The following NAPB variants were observed in gnomAD, a reference collection of about 807,000 sequenced individuals.
The protein encoded by NAPB is NSF attachment protein beta.
NAPB carries 26 observed loss-of-function variants against 44.7 expected under a neutral mutation model. The observed-to-expected ratio is 0.58, with a 90% CI of 0.43 to 0.81. The LOEUF (loss-of-function observed/expected upper bound fraction) is 0.81. NAPB is among the 30% of genes least tolerant of loss of function. NAPB has a pLI of 0.00. For synonymous variants in NAPB, 120 were observed against 116.8 expected (o/e 1.03, Z -0.18); for missense variants, 315 against 356.4 (o/e 0.88, Z 0.94).
chr20:23,377,578 C>A (rs1021817347), intron 10 of NAPB, 92 bp from the exon 11 acceptor site: 4 of 553,618 alleles, frequency 7.2e-6, no homozygotes, highest in African/African-American at 5.8e-5. Context: ...ACCTTTACAG[C>A]CATAATCTAC....
chr20:23,414,223 G>A (rs2424551), intron 1 of NAPB, among the ~76,000 whole-genome samples: 45,188 of 152,048 alleles, frequency 0.3, 6,755 homozygotes, highest in Middle Eastern at 0.38. Context: ...TGAGGAGGCT[G>A]AGGTGGGAGG....
At chr20:23,381,454 A>G in intron 7 of NAPB, 137 bp from the exon 8 acceptor site, 1 of 551,012 alleles carries the variant, frequency 1.8e-6, no homozygotes, top group South Asian at 2.6e-5. Flanking sequence ...TTTTATCCGA[A>G]TACCATATAG....
Position 23,377,299 on chromosome 20 carries a change from GGCATC to G in NAPB, c.*72_*76del. 1 of 852,088 alleles carries G rather than the reference GGCATC, an allele frequency of 1.2e-6. No individual in the cohort carries two copies. Among genetic ancestry groups the G allele is most frequent in the Non-Finnish European group, 1.8e-6 (1 of 558,992 alleles). 52.8% of individuals were successfully genotyped at this position (852,088 alleles called of 1,614,324 possible). A position where few individuals can be genotyped will look rare whatever the true frequency, so the allele number is the denominator to read the frequency against. On this transcript the variant is annotated 3_prime_UTR_variant, in exon 11 of 11. Transcript: ENST00000377026. ...TGCAACAAAATTAAGCCATTAAATAGGCATCCCATAAAGATCACTTGACCCTAAGA... is the reference window on the plus strand; with the variant it reads ...TGCAACAAAATTAAGCCATTAAATAGCCATAAAGATCACTTGACCCTAAGA...
chr20:23,397,032 TAC>T (rs756323992), intron 3 of NAPB, 38 bp downstream of exon 3: 6 of 1,591,706 alleles, frequency 3.8e-6, no homozygotes, highest in South Asian at 1.1e-5. Context: ...ACTGGTTAGT[TAC>T]ACACAGAGAT....
At chr20:23,390,767 C>T (rs1400493466) in intron 5 of NAPB, among the ~76,000 whole-genome samples, 2 of 152,244 alleles carry the variant, frequency 1.3e-5, no homozygotes, top group African/African-American at 4.8e-5. Flanking sequence ...GTCTCTACCA[C>T]TGTCAAACCC....
At chr20:23,380,017 C>A (rs576384024) in intron 8 of NAPB, 82 bp from the exon 9 acceptor site, 1 of 1,079,968 alleles carries the variant, frequency 9.3e-7, no homozygotes, top group Non-Finnish European at 1.4e-6. Context: ...CAAATAAGAT[C>A]TACCTATATC....
chr20:23,418,375 AG>A (rs1568625785), intron 1 of NAPB, among the ~76,000 whole-genome samples: 1 of 152,230 alleles, frequency 6.6e-6, no homozygotes, highest in Non-Finnish European at 1.5e-5. Flanking sequence ...CAGTCTAGAA[AG>A]GTGATGATAC....
intron 10 of NAPB, 105 bp from the exon 11 acceptor site, chr20:23,377,591 A>G: frequency 2.0e-6 from 1 of 504,776 alleles, no homozygotes; most frequent in Non-Finnish European, 3.3e-6. Context: ...TAATCTACTA[A>G]CTTTCTTCAT....
rs554834340 is a variant in NAPB, at chr20:23,380,110, C to A, written c.667-175G>T. ...TCTTTCTATTCTGAATTTTCCATTT[C>A]AATAAAGAATAATTTCTAAACTACT... On this transcript the variant is annotated intron_variant, in intron 8 of 10. Transcript: ENST00000377026. Among the ~76,000 whole-genome samples, 8 of 152,294 alleles carry A rather than the reference C, an allele frequency of 5.3e-5. 1 individual carries two copies. The South Asian group carries it at 1.5e-3, about 28-fold the overall frequency.
chr20:23,380,050 GTAGT>G (rs1322737767), intron 8 of NAPB, 115 bp from the exon 9 acceptor site: 4 of 684,942 alleles, frequency 5.8e-6, no homozygotes, highest in African/African-American at 3.6e-5. Context: ...GAAAAAGTAT[GTAGT>G]TAAACTCAAA....
intron 7 of NAPB, among the ~76,000 whole-genome samples, chr20:23,384,647 A>G (rs1188672554): frequency 6.6e-6 from 1 of 152,156 alleles, no homozygotes; most frequent in East Asian, 1.9e-4. Context: ...AAGAAAAAAA[A>G]GAAAAGCAAC....
chr20:23,390,136 A>G (rs754058567), intron 6 of NAPB, 73 bp downstream of exon 6: 45 of 1,519,104 alleles, frequency 3.0e-5, no homozygotes, highest in Admixed American at 6.8e-5. Context: ...ATACACTCAC[A>G]AAGTATAAAG....
chr20:23,378,184 G>A (rs145048905), intron 10 of NAPB, among the ~76,000 whole-genome samples: 1,662 of 151,134 alleles, frequency 0.011, 29 homozygotes, highest in African/African-American at 0.039. Flanking sequence ...ATTAGCTGGG[G>A]GTGGTGGTGT....
At chr20:23,396,376 A>G (rs1189326043) in intron 3 of NAPB, among the ~76,000 whole-genome samples, 1 of 152,230 alleles carries the variant, frequency 6.6e-6, no homozygotes, top group African/African-American at 2.4e-5. Context: ...CTATTTCTTT[A>G]TGACATATTT....
intron 1 of NAPB, 109 bp downstream of exon 1, chr20:23,421,196 G>C: frequency 1.1e-6 from 1 of 909,474 alleles, no homozygotes; most frequent in Non-Finnish European, 1.6e-6. Context: ...CCTAGACGTG[G>C]TCTGAGGGCC....
chr20:23,391,539 T>C (rs538897066), intron 5 of NAPB, among the ~76,000 whole-genome samples: 40 of 152,314 alleles, frequency 2.6e-4, no homozygotes, highest in African/African-American at 9.4e-4. Flanking sequence ...GAGATAAGTA[T>C]GAGCAGCTCT....
At chr20:23,398,884 G>C (rs1340197209) in intron 2 of NAPB, among the ~76,000 whole-genome samples, 3 of 107,768 alleles carry the variant, frequency 2.8e-5, no homozygotes, top group African/African-American at 1.2e-4. Context: ...TTTTTGTAGA[G>C]ACAGGTGCTA....
intron 5 of NAPB, among the ~76,000 whole-genome samples, chr20:23,393,318 G>C (rs903802935): frequency 3.6e-4 from 54 of 151,660 alleles, no homozygotes; most frequent in Non-Finnish European, 7.2e-4. Context: ...AAAAAAAAAA[G>C]GTCAAATAAT....
intron 7 of NAPB, among the ~76,000 whole-genome samples, 165 bp from the exon 8 acceptor site, chr20:23,381,482 A>C (rs1023603997): frequency 2.0e-5 from 3 of 152,226 alleles, no homozygotes; most frequent in Admixed American, 1.3e-4. Context: ...TTTACTAGAC[A>C]AGACCATTAA....
Sources: gnomAD v4.1 joint callset for allele counts (sites outside exome capture counted in the v4.1 genomes callset) on GRCh38, gnomAD v4.1.1 for gene constraint, MANE v1.5 for transcripts, NCBI Gene and HGNC (gene_info 2026-07-23, HGNC 2026-07-21) for gene names.